Variants in POFUT2 observed in about 807,000 individuals in gnomAD.
POFUT2 encodes the protein protein O-fucosyltransferase 2.
A neutral mutation model predicts 55.0 loss-of-function variants in POFUT2; 30 were observed. That is an observed-to-expected ratio of 0.55 (90% CI 0.41 to 0.74). The LOEUF is 0.74. POFUT2 is among the 30% of genes least tolerant of loss of function. The pLI is 0.00. For missense variants in POFUT2, 524 were observed against 562.6 expected, an observed-to-expected ratio of 0.93 and a Z score of 0.69; for synonymous variants, 267 against 231.1, an observed-to-expected ratio of 1.16 and a Z score of -1.41.
rs1019051608 is a variant in POFUT2 at position 45,265,165 on chromosome 21, G to A, written c.*317C>T. ...GAAAGGTGGCTGGAAAGGCCAGAGC[G>A]GGAGCCTGACAAACACTCCTGCTTC... On this transcript the variant is annotated 3_prime_UTR_variant, in exon 9 of 9. Coordinates refer to ENST00000349485, the MANE Select transcript of POFUT2 (RefSeq NM_133635.6). The surrounding 1 kb of genome is among the most constrained non-coding windows in gnomAD (Gnocchi z 4.6). 16 of 257,416 alleles carry A rather than the reference G, an allele frequency of 6.2e-5. 1 individual carries two copies. The highest frequency in any genetic ancestry group is 2.7e-4 in the African/African-American group (12 of 45,096). 15.9% of individuals were successfully genotyped at this position (257,416 alleles called of 1,614,324 possible).
Position 45,265,757 on chromosome 21 carries a change from C to A in POFUT2, c.1137-122G>T, listed in dbSNP as rs1002467807. On this transcript the variant is annotated intron_variant, in intron 8 of 8. Transcript: ENST00000349485. This position sits in a 1 kb window ranked among gnomAD's most constrained non-coding sequence, Gnocchi z 4.6. ...GTTCCACAGTTACATGGAACCAACA[C>A]GGCCGTCCCCCGAGCACCCACCAGC... 3 of 1,461,470 alleles carry A rather than the reference C, an allele frequency of 2.1e-6. No homozygotes were observed. Among genetic ancestry groups the A allele is most frequent in the Non-Finnish European group, 2.7e-6 (3 of 1,111,496 alleles). 90.5% of individuals were successfully genotyped at this position (1,461,470 alleles called of 1,614,324 possible). A position where few individuals can be genotyped will look rare whatever the true frequency, so the allele number is the denominator to read the frequency against.
chr21:45,269,534 T>G (rs2093198219), intron 7 of POFUT2, among the ~76,000 whole-genome samples: 1 of 152,110 alleles, frequency 6.6e-6, no homozygotes, highest in African/African-American at 2.4e-5. Context: ...CACTCAGGGT[T>G]AAATGGATTA....
intron 2 of POFUT2, 138 bp from the exon 3 acceptor site, chr21:45,283,665 G>A: frequency 1.2e-6 from 1 of 868,836 alleles, no homozygotes; most frequent in Non-Finnish European, 1.8e-6. Flanking sequence ...GCTCACAAAA[G>A]CAGAGACAGG....
chr21:45,278,084 C>A lies in POFUT2; in HGVS notation c.705+19G>T. The A allele has an allele frequency of 6.2e-7, 1 of 1,604,230 alleles. No homozygotes were observed. Among genetic ancestry groups the A allele is most frequent in the Non-Finnish European group, 8.5e-7 (1 of 1,171,002 alleles). On this transcript the variant is annotated intron_variant, in intron 5 of 8. Coordinates refer to ENST00000349485, the MANE Select transcript of POFUT2 (RefSeq NM_133635.6). ...CAACATACACTAACTGAGAAAAACG[C>A]TCCCGAGGAAACACTCACATCCCAG...
At chr21:45,287,230 C>T (rs2031531431) in intron 1 of POFUT2, among the ~76,000 whole-genome samples, 1 of 131,466 alleles carries the variant, frequency 7.6e-6, no homozygotes, top group Admixed American at 7.4e-5. Context: ...TGTCCCGTCC[C>T]CGTCCCATCC....
Position 45,275,423 on chromosome 21 carries a change from C to G in POFUT2, c.831+1594G>C, listed in dbSNP as rs150834949. 2.3e-3 allele frequency among the ~76,000 whole-genome samples: 354 copies of G among 152,314 alleles called. 1 individual carries two copies. Among genetic ancestry groups the G allele is most frequent in the African/African-American group, 8.4e-3 (351 of 41,572 alleles). ...ATCCAGCAATCCCACTGCTGGGTAT[C>G]TACCCAGAGGAAAAGAAGCCACTAT... On this transcript the variant is annotated intron_variant, in intron 6 of 8. Transcript: ENST00000349485.
At position 45,281,369 on chromosome 21, in the gene POFUT2, G is replaced by A. The variant is rs576771356; in HGVS notation, c.638+980C>T. ...CCAGTCCCAGGACAACATTAAAGCT[G>A]CATCTCAACAACCAAAACAATTCAG... On this transcript the variant is annotated intron_variant, in intron 4 of 8. Transcript: ENST00000349485. The surrounding 1 kb of genome is among the most constrained non-coding windows in gnomAD (Gnocchi z 5.0). 1.3e-5 allele frequency among the ~76,000 whole-genome samples: 2 copies of A among 152,288 alleles called. No individual in the cohort carries two copies. Among genetic ancestry groups the A allele is most frequent in the South Asian group, 4.1e-4 (2 of 4,826 alleles).
chr21:45,266,467 G>A (rs939886442), intron 8 of POFUT2: 14 of 1,143,544 alleles, frequency 1.2e-5, no homozygotes, highest in Admixed American at 1.2e-4. Context: ...GAGGGCAGGA[G>A]GCTGAGAGCT....
chr21:45,285,255 T>G lies in POFUT2; in HGVS notation c.382+423A>C. 1 of 212,142 alleles carries G rather than the reference T, an allele frequency of 4.7e-6. No homozygotes were observed. Among genetic ancestry groups the G allele is most frequent in the South Asian group, 7.2e-5 (1 of 13,880 alleles). The allele number at this position is 212,142 out of a possible 1,614,324, so 13.1% of individuals were successfully genotyped here. A position where few individuals can be genotyped will look rare whatever the true frequency, so the allele number is the denominator to read the frequency against. ...CTGAAAAGATTAAGCAACACAAAATTAAACGAGACAGACCTTTATCCCTGG... is the reference window on the plus strand; with the variant it reads ...CTGAAAAGATTAAGCAACACAAAATGAAACGAGACAGACCTTTATCCCTGG... On this transcript the variant is annotated intron_variant, in intron 2 of 8. Coordinates refer to ENST00000349485, the MANE Select transcript of POFUT2 (RefSeq NM_133635.6). This position sits in a 1 kb window ranked among gnomAD's most constrained non-coding sequence, Gnocchi z 4.9.
intron 6 of POFUT2, 58 bp downstream of exon 6, chr21:45,276,959 G>A (rs1297498391): frequency 6.3e-7 from 1 of 1,580,726 alleles, no homozygotes; most frequent in South Asian, 1.1e-5. Flanking sequence ...GCCTGAGTGT[G>A]GGGCATCTCC....
chr21:45,276,892 G>A, intron 6 of POFUT2, 125 bp downstream of exon 6: 1 of 1,033,260 alleles, frequency 9.7e-7, no homozygotes, highest in East Asian at 2.4e-5. Flanking sequence ...TTCCAGAGAG[G>A]CGCCGAGGCA....
At position 45,277,020 on chromosome 21, in the gene POFUT2, C is replaced by T; in HGVS notation, c.828G>A (p.Met276Ile). The T allele has an allele frequency of 1.2e-6, 2 of 1,613,982 alleles. No individual in the cohort carries two copies. Among genetic ancestry groups the T allele is most frequent in the Non-Finnish European group, 1.7e-6 (2 of 1,179,884 alleles). Residue 276 changes from methionine (M) to isoleucine (I), a missense_variant, in exon 6 of 9, where the codon ATG becomes ATA. Around this residue, in one of 2 missense-constraint regions of POFUT2, gnomAD observed 250 missense variants for 318.2 expected, o/e 0.79. Transcript: ENST00000349485. This position sits in a 1 kb window ranked among gnomAD's most constrained non-coding sequence, Gnocchi z 6.9. ...RIPFQEDWMK[M>I]KVKLGSALGG... ...TAACAAAAGGGAGGGGGGCTACCTT[C>T]ATCTTCATCCAGTCCTCCTGGAAGG...
In POFUT2 at chr21:45,287,730, C is replaced by A. The variant is rs909305580; in HGVS notation, c.131+11G>T. ...GGAACCCCAGCGTTGGCACCGTGGACGCGCGTTTACCGTCTGCGGGAAGCC... is the reference window on the plus strand; with the variant it reads ...GGAACCCCAGCGTTGGCACCGTGGAAGCGCGTTTACCGTCTGCGGGAAGCC... On this transcript the variant is annotated intron_variant, in intron 1 of 8. Transcript: ENST00000349485. 7.0e-7 allele frequency: 1 copy of A among 1,429,610 alleles called. No individual in the cohort carries two copies. The allele number at this position is 1,429,610 out of a possible 1,614,324, so 88.6% of individuals were successfully genotyped here.
At chr21:45,278,545 AAGG>A (rs563651113) in intron 4 of POFUT2, among the ~76,000 whole-genome samples, 107 of 152,332 alleles carry the variant, frequency 7.0e-4, no homozygotes, top group African/African-American at 2.5e-3. Context: ...CTTTGACAAA[AAGG>A]AGAGGTTCAC....
chr21:45,285,777 G>A lies in POFUT2; in HGVS notation c.283C>T (p.Pro95Ser). 1 of 1,613,758 alleles carries A rather than the reference G, an allele frequency of 6.2e-7. No homozygotes were observed. Among genetic ancestry groups the A allele is most frequent in the Non-Finnish European group, 8.5e-7 (1 of 1,179,984 alleles). Residue 95 changes from proline to serine, a missense_variant, in exon 2 of 9, where the codon CCT (proline) becomes TCT (serine). By Grantham distance (74) the Pro-to-Ser change is moderately conservative (BLOSUM62 -1). Coordinates refer to ENST00000349485, the MANE Select transcript of POFUT2 (RefSeq NM_133635.6). The surrounding 1 kb of genome is among the most constrained non-coding windows in gnomAD (Gnocchi z 4.9). ...PWGRLYHWQSPDIHQVRIPWS... is the reference protein window; with the variant it reads ...PWGRLYHWQSSDIHQVRIPWS... ...GGAATCCGGACCTGGTGGATGTCAGGACTCTGCCAGTGATAGAGGCGGCCC... is the reference window on the plus strand; with the variant it reads ...GGAATCCGGACCTGGTGGATGTCAGAACTCTGCCAGTGATAGAGGCGGCCC...
rs1005065011 is a variant in POFUT2, at chr21:45,281,298, G to A, written c.638+1051C>T. The stretch of plus-strand genomic sequence containing the variant: ...CAAGACTGTTCCACAGGCCCCAAAC[G>A]TAGGCAGACTGGCTTCCAAAACCCG... On this transcript the variant is annotated intron_variant, in intron 4 of 8. Transcript: ENST00000349485. The surrounding 1 kb of genome is among the most constrained non-coding windows in gnomAD (Gnocchi z 5.0). Among the ~76,000 whole-genome samples, 1 of 152,170 alleles carries A rather than the reference G, an allele frequency of 6.6e-6. No homozygotes were observed.
intron 7 of POFUT2, among the ~76,000 whole-genome samples, chr21:45,268,861 G>T (rs1428750785): frequency 2.8e-5 from 3 of 105,858 alleles, no homozygotes; most frequent in African/African-American, 7.3e-5. Flanking sequence ...GGAGGGAGGT[G>T]GGGGGGTCAG....
chr21:45,277,190 C>T lies in POFUT2; in HGVS notation c.706-48G>A. The T allele has an allele frequency of 6.3e-7, 1 of 1,594,848 alleles. No homozygotes were observed. Among genetic ancestry groups the T allele is most frequent in the Non-Finnish European group, 8.5e-7 (1 of 1,173,232 alleles). On this transcript the variant is annotated intron_variant, in intron 5 of 8. Transcript: ENST00000349485. The surrounding 1 kb of genome is among the most constrained non-coding windows in gnomAD (Gnocchi z 6.9). Reference sequence around the variant, plus strand: ...GCTGAGAACACGCCCGCCCGCCACGCAGCCCTCCCGGAGCGGGTTCTCCTG... The same window carrying T: ...GCTGAGAACACGCCCGCCCGCCACGTAGCCCTCCCGGAGCGGGTTCTCCTG...
Position 45,265,818 on chromosome 21 carries a change from C to T in POFUT2, c.1137-183G>A. 7.1e-7 allele frequency: 1 copy of T among 1,410,788 alleles called. No individual in the cohort carries two copies. Among genetic ancestry groups the T allele is most frequent in the Non-Finnish European group, 9.2e-7 (1 of 1,084,362 alleles). 87.4% of individuals were successfully genotyped at this position (1,410,788 alleles called of 1,614,324 possible). A position where few individuals can be genotyped will look rare whatever the true frequency, so the allele number is the denominator to read the frequency against. On this transcript the variant is annotated intron_variant, in intron 8 of 8. Transcript: ENST00000349485. The surrounding 1 kb of genome is among the most constrained non-coding windows in gnomAD (Gnocchi z 4.6). ...CTTGCTGGCACCCCTCGCTCAGGTG[C>T]CCTCGACATCGGCGCCCTGAGGGGC... is the stretch of plus-strand genomic sequence containing the variant.
Sources: gnomAD v4.1 joint callset for allele counts (sites outside exome capture counted in the v4.1 genomes callset) on GRCh38, gnomAD v4.1.1 for gene constraint, gnomAD v4.1.1 regional missense constraint, Gnocchi (gnomAD v3.1) non-coding constraint, MANE v1.5 for transcripts, NCBI Gene and HGNC (gene_info 2026-07-23, HGNC 2026-07-21) for gene names.